Variants in TYR observed in about 807,000 individuals in gnomAD.
The protein encoded by TYR is tyrosinase, also known as LB24-AB.
TYR carries 58 observed loss-of-function variants against 51.5 expected under a neutral mutation model. The observed-to-expected ratio is 1.13, with a 90% CI of 0.91 to 1.40. TYR has a LOEUF of 1.40. TYR is among the 40% of genes most tolerant of loss of function. The pLI, the probability that TYR is intolerant of heterozygous loss-of-function variation, is 0.00. For synonymous variants in TYR, 263 were observed against 235.2 expected, an observed-to-expected ratio of 1.12 and a Z score of -1.08; for missense variants, 732 against 647.4, an observed-to-expected ratio of 1.13 and a Z score of -1.42.
At chr11:89,283,478 T>C (rs1944742728) in intron 3 of TYR, among the ~76,000 whole-genome samples, 1 of 151,870 alleles carries the variant, frequency 6.6e-6, no homozygotes, top group Non-Finnish European at 1.5e-5. Context: ...TAGCTTAAAA[T>C]GTACAGCTAA....
intron 4 of TYR, among the ~76,000 whole-genome samples, chr11:89,288,654 A>G (rs1363758933): frequency 1.3e-5 from 2 of 152,102 alleles, no homozygotes; most frequent in African/African-American, 4.8e-5. Context: ...AAGCAACAGC[A>G]GATACTTGGG....
At chr11:89,239,900 G>C (rs1269695374) in intron 3 of TYR, among the ~76,000 whole-genome samples, 1 of 152,118 alleles carries the variant, frequency 6.6e-6, no homozygotes, top group African/African-American at 2.4e-5. Flanking sequence ...GGTCAGAAAA[G>C]ATACTTGATT....
chr11:89,223,750 C>A (rs1257900450), intron 2 of TYR, among the ~76,000 whole-genome samples: 1 of 152,054 alleles, frequency 6.6e-6, no homozygotes, highest in African/African-American at 2.4e-5. Flanking sequence ...ACAATATATA[C>A]ATTATTTAAA....
chr11:89,240,387 A>G lies in TYR; in HGVS notation c.1184+12417A>G, dbSNP rs184884020. 5.0e-3 allele frequency among the ~76,000 whole-genome samples: 757 copies of G among 152,266 alleles called. 5 individuals carry two copies. Among genetic ancestry groups the G allele is most frequent in the African/African-American group, 0.017 (712 of 41,548 alleles). On this transcript the variant is annotated intron_variant, in intron 3 of 4. Transcript: ENST00000263321. The stretch of plus-strand genomic sequence containing the variant: ...AGAAAGAAACAAAATAACAAAATTA[A>G]TGATATTTCCTTTTTGTGAAATTTC...
chr11:89,178,823 C>T, intron 1 of TYR, 51 bp downstream of exon 1: 1 of 1,585,942 alleles, frequency 6.3e-7, no homozygotes, highest in Non-Finnish European at 8.7e-7. Context: ...CCTTAACAAT[C>T]ACTTCTTCAG....
At chr11:89,215,004 C>A (rs922360713) in intron 2 of TYR, among the ~76,000 whole-genome samples, 8 of 151,842 alleles carry the variant, frequency 5.3e-5, no homozygotes, top group Admixed American at 1.3e-4. Flanking sequence ...ATTTTTAGTA[C>A]GATATTGTAA....
intron 3 of TYR, among the ~76,000 whole-genome samples, chr11:89,255,987 C>A (rs1944386602): frequency 6.6e-6 from 1 of 151,488 alleles, no homozygotes; most frequent in African/African-American, 2.4e-5. Context: ...TAAACAGTGG[C>A]ATTTTACTTC....
chr11:89,240,279 T>C (rs922776318), intron 3 of TYR, among the ~76,000 whole-genome samples: 1 of 151,930 alleles, frequency 6.6e-6, no homozygotes, highest in African/African-American at 2.4e-5. Flanking sequence ...AAAATAAAAA[T>C]AAAACATAAA....
Position 89,191,224 on chromosome 11 carries a change from A to C in TYR, c.842A>C (p.Glu281Ala), listed in dbSNP as rs146036358. 1.2e-6 allele frequency: 2 copies of C among 1,613,502 alleles called. No individual in the cohort carries two copies. Among genetic ancestry groups the C allele is most frequent in the South Asian group, 1.1e-5 (1 of 91,072 alleles). Residue 281 changes from glutamate (E) to alanine (A), a missense_variant, in exon 2 of 5, where the codon GAG (glutamate) becomes GCG (alanine). Coordinates refer to ENST00000263321, the MANE Select transcript of TYR (RefSeq NM_000372.5). The stretch of plus-strand genomic sequence containing the variant: ...CAGATTGTCTGTAGCCGATTGGAGG[A>C]GTACAACAGCCATCAGTCTTTATGC... ...SWQIVCSRLE[E>A]YNSHQSLCNG... is the part of the protein sequence containing the mutation.
intron 3 of TYR, among the ~76,000 whole-genome samples, chr11:89,242,628 T>C (rs1944213976): frequency 6.6e-6 from 1 of 152,176 alleles, no homozygotes; most frequent in Admixed American, 6.5e-5. Flanking sequence ...ATTTCAGAAA[T>C]TTTTCCATGT....
chr11:89,242,833 G>C (rs919427542), intron 3 of TYR, among the ~76,000 whole-genome samples: 1 of 152,158 alleles, frequency 6.6e-6, no homozygotes, highest in Non-Finnish European at 1.5e-5. Flanking sequence ...AGAAATCAAA[G>C]AAGGTATGCA....
chr11:89,212,921 G>A (rs1272632538), intron 2 of TYR, among the ~76,000 whole-genome samples: 1 of 152,100 alleles, frequency 6.6e-6, no homozygotes, highest in Non-Finnish European at 1.5e-5. Flanking sequence ...AGTAAACTAG[G>A]TATTGATGGA....
chr11:89,203,841 TTAAACA>T (rs1283033805), intron 2 of TYR, among the ~76,000 whole-genome samples: 1 of 152,156 alleles, frequency 6.6e-6, no homozygotes, highest in East Asian at 1.9e-4. Flanking sequence ...CAGAAAAGTT[TTAAACA>T]GTAACTACTC....
In TYR at chr11:89,295,398, C is replaced by G; in HGVS notation, c.*32C>G. Reference sequence around the variant, plus strand: ...TAGGCAATAGAGTAGGGCCAAAAAGCCTGACCTCACTCTAACTCAAAGTAA... The same window carrying G: ...TAGGCAATAGAGTAGGGCCAAAAAGGCTGACCTCACTCTAACTCAAAGTAA... On this transcript the variant is annotated 3_prime_UTR_variant, in exon 5 of 5. Transcript: ENST00000263321. 6.5e-7 allele frequency: 1 copy of G among 1,528,538 alleles called. No homozygotes were observed. Among genetic ancestry groups the G allele is most frequent in the Non-Finnish European group, 9.0e-7 (1 of 1,113,118 alleles). 94.7% of individuals were successfully genotyped at this position (1,528,538 alleles called of 1,614,324 possible). A position where few individuals can be genotyped will look rare whatever the true frequency, so the allele number is the denominator to read the frequency against.
At chr11:89,269,176 G>A (rs569745373) in intron 3 of TYR, among the ~76,000 whole-genome samples, 4 of 151,918 alleles carry the variant, frequency 2.6e-5, no homozygotes, top group Non-Finnish European at 5.9e-5. Flanking sequence ...AGTGAAGGGA[G>A]TAAGGTAAGT....
chr11:89,269,558 C>T (rs576497756), intron 3 of TYR, among the ~76,000 whole-genome samples: 108 of 151,942 alleles, frequency 7.1e-4, no homozygotes, highest in Non-Finnish European at 1.1e-3. Context: ...CTAAGTTTCT[C>T]CAAGTTTCAT....
chr11:89,190,089 A>G (rs1241808705), intron 1 of TYR, among the ~76,000 whole-genome samples: 3 of 152,168 alleles, frequency 2.0e-5, no homozygotes, highest in African/African-American at 7.2e-5. Context: ...TGTACACTAC[A>G]TAATACTTGA....
In TYR at chr11:89,177,947, AG is replaced by A; in HGVS notation, c.-5del. 6.2e-7 allele frequency: 1 copy of A among 1,613,932 alleles called. No homozygotes were observed. The highest frequency in any genetic ancestry group is 8.5e-7 in the Non-Finnish European group (1 of 1,180,010). ...TTCCTGCAGACCTTGTGAGGACTAGAGGAAGAATGCTCCTGGCTGTTTTGTA... is the reference window on the plus strand; with the variant it reads ...TTCCTGCAGACCTTGTGAGGACTAGAGAAGAATGCTCCTGGCTGTTTTGTA... On this transcript the variant is annotated 5_prime_UTR_variant, in exon 1 of 5. Coordinates refer to ENST00000263321, the MANE Select transcript of TYR (RefSeq NM_000372.5).
rs577737538 is a variant in TYR, at chr11:89,181,284, G to T, written c.819+2512G>T. 3.8e-4 allele frequency among the ~76,000 whole-genome samples: 58 copies of T among 152,282 alleles called. No individual in the cohort carries two copies. The Middle Eastern group carries it at 0.014, about 36-fold the overall frequency. ...GTCCGCCTCAGACTCCCAAAGTGCT[G>T]GGATTGCAGGCCTGAGCCATCAAGC... On this transcript the variant is annotated intron_variant, in intron 1 of 4. Coordinates refer to ENST00000263321, the MANE Select transcript of TYR (RefSeq NM_000372.5).
Sources: allele counts gnomAD v4.1 joint callset (sites outside exome capture counted in the v4.1 genomes callset), GRCh38; gene constraint gnomAD v4.1.1; transcripts MANE v1.5; gene names NCBI Gene and HGNC (gene_info 2026-07-23, HGNC 2026-07-21).